The following NUMB variants were observed in gnomAD, a reference collection of about 807,000 sequenced individuals.
NUMB encodes NUMB endocytic adaptor protein.
A neutral mutation model predicts 59.7 loss-of-function variants in NUMB; 29 were observed. The ratio of observed to expected loss-of-function variants is 0.49; its 90% confidence interval spans 0.36 to 0.66. The LOEUF (loss-of-function observed/expected upper bound fraction) is 0.66, where lower values mean the gene tolerates loss of function less well. Among genes scored for constraint, NUMB ranks in the 30% least tolerant of loss-of-function variants. The pLI, the probability that NUMB is intolerant of heterozygous loss-of-function variation, is 0.00. For missense variants in NUMB, 723 were observed against 822.0 expected, an observed-to-expected ratio of 0.88 and a Z score of 1.47; for synonymous variants, 288 against 288.2, an observed-to-expected ratio of 1.00 and a Z score of 0.01.
intron 2 of NUMB, among the ~76,000 whole-genome samples, chr14:73,401,563 A>ATTTT (rs1164847403): frequency 6.0e-4 from 66 of 110,012 alleles, no homozygotes; most frequent in South Asian, 1.6e-3. Flanking sequence ...GTAAGACTAA[A>ATTTT]TTTTTTTTTT....
chr14:73,349,458 G>C (rs753893347), intron 4 of NUMB, among the ~76,000 whole-genome samples: 3 of 152,106 alleles, frequency 2.0e-5, no homozygotes, highest in Middle Eastern at 6.8e-3. Context: ...ATAGTGGCAG[G>C]CGCCTGTAAT....
intron 1 of NUMB, among the ~76,000 whole-genome samples, chr14:73,425,565 A>T (rs1331259779): frequency 6.6e-6 from 1 of 152,138 alleles, no homozygotes; most frequent in Non-Finnish European, 1.5e-5. Context: ...ATTCCCAAAC[A>T]GATTTACAGA....
At chr14:73,288,094 G>A (rs528838609) in intron 8 of NUMB, among the ~76,000 whole-genome samples, 5 of 152,308 alleles carry the variant, frequency 3.3e-5, no homozygotes, top group Admixed American at 2.0e-4. Flanking sequence ...TAAAACTTCT[G>A]ATAAACAAAT....
chr14:73,421,268 T>A (rs1270685229), intron 1 of NUMB, among the ~76,000 whole-genome samples: 2 of 152,054 alleles, frequency 1.3e-5, no homozygotes, highest in Non-Finnish European at 2.9e-5. Flanking sequence ...CACTGCAACC[T>A]CCACCTCCCG....
At chr14:73,456,024 A>G (rs1884343477) in intron 1 of NUMB, among the ~76,000 whole-genome samples, 1 of 152,226 alleles carries the variant, frequency 6.6e-6, no homozygotes, top group African/African-American at 2.4e-5. Context: ...AGTCAGAGGC[A>G]TAACACAATA....
At chr14:73,289,749 C>T (rs1889267852) in intron 8 of NUMB, among the ~76,000 whole-genome samples, 1 of 152,200 alleles carries the variant, frequency 6.6e-6, no homozygotes, top group South Asian at 2.1e-4. Flanking sequence ...TTCCATCTAA[C>T]TTCCCAGTAG....
At chr14:73,415,660 T>G (rs535112717) in intron 1 of NUMB, among the ~76,000 whole-genome samples, 2 of 152,164 alleles carry the variant, frequency 1.3e-5, no homozygotes, top group South Asian at 4.2e-4. Context: ...AGAGATGAGG[T>G]TTCACTATGT....
chr14:73,369,806 C>T (rs1894572806), intron 2 of NUMB, among the ~76,000 whole-genome samples: 1 of 134,940 alleles, frequency 7.4e-6, no homozygotes, highest in African/African-American at 2.8e-5. Flanking sequence ...CAAAGAAACA[C>T]ATATAATTAG....
intron 4 of NUMB, among the ~76,000 whole-genome samples, chr14:73,352,679 C>T (rs1435721115): frequency 3.4e-5 from 5 of 146,344 alleles, no homozygotes; most frequent in East Asian, 2.0e-4. Context: ...GGATTACAGG[C>T]GCCCGCCACC....
chr14:73,348,697 G>A (rs567960769), intron 4 of NUMB, among the ~76,000 whole-genome samples: 22 of 152,248 alleles, frequency 1.4e-4, no homozygotes, highest in South Asian at 1.2e-3. Flanking sequence ...TATCTTCCAC[G>A]AAACCAGTCT....
intron 1 of NUMB, among the ~76,000 whole-genome samples, chr14:73,444,291 C>G (rs906930701): frequency 1.3e-5 from 2 of 149,178 alleles, no homozygotes; most frequent in African/African-American, 2.5e-5. Context: ...CCCAGCTACT[C>G]GGGAGGCTGA....
intron 1 of NUMB, among the ~76,000 whole-genome samples, chr14:73,436,435 G>C (rs1898056651): frequency 6.6e-6 from 1 of 152,068 alleles, no homozygotes; most frequent in African/African-American, 2.4e-5. Context: ...TCCTGCCTCA[G>C]CCTCCTGAGT....
intron 1 of NUMB, among the ~76,000 whole-genome samples, chr14:73,433,537 G>A (rs1885220419): frequency 2.6e-5 from 4 of 152,042 alleles, no homozygotes; most frequent in Admixed American, 2.6e-4. Context: ...AATTTTAAAC[G>A]TTACATTTTC....
At chr14:73,360,886 T>C (rs1481561181) in intron 3 of NUMB, among the ~76,000 whole-genome samples, 1 of 152,056 alleles carries the variant, frequency 6.6e-6, no homozygotes, top group Non-Finnish European at 1.5e-5. Flanking sequence ...ATCTTATCTT[T>C]TATCTTATTT....
chr14:73,448,392 A>G (rs1883688981), intron 1 of NUMB, among the ~76,000 whole-genome samples: 1 of 152,036 alleles, frequency 6.6e-6, no homozygotes, highest in Admixed American at 6.6e-5. Flanking sequence ...GGGTCTTGCT[A>G]CGTTGCCCAG....
chr14:73,310,572 C>T (rs934305536), intron 6 of NUMB, among the ~76,000 whole-genome samples: 1 of 152,186 alleles, frequency 6.6e-6, no homozygotes, highest in African/African-American at 2.4e-5. Context: ...GAACTTTGCA[C>T]TAAGTTTCAG....
chr14:73,347,705 C>T (rs960151720), intron 4 of NUMB, among the ~76,000 whole-genome samples: 1 of 152,168 alleles, frequency 6.6e-6, no homozygotes, highest in Non-Finnish European at 1.5e-5. Flanking sequence ...TAAGACCATA[C>T]TCTCCAGGTT....
chr14:73,344,929 G>T (rs1892828429), intron 4 of NUMB, among the ~76,000 whole-genome samples: 1 of 152,170 alleles, frequency 6.6e-6, no homozygotes, highest in African/African-American at 2.4e-5. Context: ...ACAATTACAG[G>T]TAGATTCTTA....
chr14:73,429,027 G>A (rs1897706346), intron 1 of NUMB, among the ~76,000 whole-genome samples: 1 of 152,118 alleles, frequency 6.6e-6, no homozygotes, highest in Non-Finnish European at 1.5e-5. Flanking sequence ...ATTCCCTCAT[G>A]CCCTCAGTAG....
Sources: gnomAD v4.1 joint callset for allele counts (sites outside exome capture counted in the v4.1 genomes callset) on GRCh38, gnomAD v4.1.1 for gene constraint, MANE v1.5 for transcripts, NCBI Gene and HGNC (gene_info 2026-07-23, HGNC 2026-07-21) for gene names.